TRPM6: variants seen among roughly 807,000 people sequenced by gnomAD.
TRPM6 encodes transient receptor potential cation channel subfamily M member 6.
In TRPM6, 111 loss-of-function variants were observed where a neutral mutation model predicts 247.6. The observed-to-expected ratio is 0.45, with a 90% CI of 0.38 to 0.52. The LOEUF (loss-of-function observed/expected upper bound fraction) is 0.52. TRPM6 is among the 20% of genes least tolerant of loss of function. The pLI is 0.00. For synonymous variants in TRPM6, 892 were observed against 853.8 expected (o/e 1.04, Z -0.78); for missense variants, 2,126 against 2,421.5 (o/e 0.88, Z 2.56).
At chr9:74,778,477 G>A (rs1827303153) in intron 23 of TRPM6, among the ~76,000 whole-genome samples, 1 of 152,228 alleles carries the variant, frequency 6.6e-6, no homozygotes, top group Admixed American at 6.5e-5. Context: ...CACCAGCTTT[G>A]TGCTGCCTCC....
chr9:74,748,378 C>A (rs945446168), intron 30 of TRPM6, among the ~76,000 whole-genome samples: 1 of 152,028 alleles, frequency 6.6e-6, no homozygotes, highest in Non-Finnish European at 1.5e-5. Context: ...TTTATGTTTT[C>A]TTTTTAAGTT....
rs1828695844 is a variant in TRPM6, at chr9:74,810,594, C to T, written c.1497+221G>A. On this transcript the variant is annotated intron_variant, in intron 13 of 38. Coordinates refer to ENST00000360774, the MANE Select transcript of TRPM6 (RefSeq NM_017662.5). ...TTCATGGCTTTTTATTAGCAAATAT[C>T]ACCTAACTGATGGATCAAGTCTTTT... is the stretch of plus-strand genomic sequence containing the variant. Among the ~76,000 whole-genome samples the T allele has an allele frequency of 2.0e-5, 3 of 152,264 alleles. No individual in the cohort carries two copies. In the South Asian group the frequency reaches 6.2e-4, roughly 32 times the overall value.
At chr9:74,819,199 C>G (rs933002601) in intron 9 of TRPM6, among the ~76,000 whole-genome samples, 8 of 151,918 alleles carry the variant, frequency 5.3e-5, no homozygotes, top group African/African-American at 1.9e-4. Flanking sequence ...GTCCAAGCTA[C>G]TCAGGAGGCT....
At chr9:74,752,647 T>C (rs900711905) in intron 28 of TRPM6, among the ~76,000 whole-genome samples, 1 of 152,202 alleles carries the variant, frequency 6.6e-6, no homozygotes, top group Non-Finnish European at 1.5e-5. Flanking sequence ...CCATAAACTG[T>C]CCTCTTATAG....
chr9:74,864,267 C>T (rs1418665729), intron 1 of TRPM6, among the ~76,000 whole-genome samples: 1 of 152,136 alleles, frequency 6.6e-6, no homozygotes, highest in African/African-American at 2.4e-5. Flanking sequence ...AGAGTGCCTC[C>T]CTTGAAGCAA....
chr9:74,831,891 A>G (rs1029676210), intron 6 of TRPM6, among the ~76,000 whole-genome samples: 1 of 152,254 alleles, frequency 6.6e-6, no homozygotes, highest in Non-Finnish European at 1.5e-5. Flanking sequence ...GAAAACGTTT[A>G]TCTATATGGA....
At chr9:74,876,684 G>A (rs776387930) in intron 1 of TRPM6, among the ~76,000 whole-genome samples, 15 of 152,288 alleles carry the variant, frequency 9.8e-5, no homozygotes, top group Middle Eastern at 3.4e-3. Context: ...GCACTATAGT[G>A]TTTTAGGGCT....
At chr9:74,732,952 G>T (rs935448474) in intron 36 of TRPM6, among the ~76,000 whole-genome samples, 9 of 152,118 alleles carry the variant, frequency 5.9e-5, no homozygotes, top group South Asian at 2.1e-4. Context: ...CCAGCTCTTT[G>T]GGGGGTGGAG....
At chr9:74,725,755 G>C (rs1481724085) in intron 38 of TRPM6, among the ~76,000 whole-genome samples, 1 of 152,166 alleles carries the variant, frequency 6.6e-6, no homozygotes, top group Non-Finnish European at 1.5e-5. Context: ...GGAACTGTAA[G>C]CTCATTAAAC....
chr9:74,781,536 C>CAAAAAAAAAAA (rs35938872), intron 23 of TRPM6, among the ~76,000 whole-genome samples: 1 of 93,516 alleles, frequency 1.1e-5, no homozygotes, highest in African/African-American at 4.3e-5. Flanking sequence ...GACTCTATCT[C>CAAAAAAAAAAA]AAAAAAAAAA....
chr9:74,726,736 G>A (rs142868320), intron 38 of TRPM6, among the ~76,000 whole-genome samples: 10 of 152,184 alleles, frequency 6.6e-5, no homozygotes, highest in African/African-American at 1.7e-4. Flanking sequence ...GGACAGTATC[G>A]GAGGATGTTG....
At chr9:74,806,064 G>C (rs1346518266) in intron 14 of TRPM6, among the ~76,000 whole-genome samples, 4 of 151,992 alleles carry the variant, frequency 2.6e-5, no homozygotes, top group Admixed American at 1.3e-4. Flanking sequence ...ATTTCATTTA[G>C]AGATATTCAC....
At chr9:74,783,528 C>G (rs560124675) in intron 21 of TRPM6, among the ~76,000 whole-genome samples, 1 of 152,166 alleles carries the variant, frequency 6.6e-6, no homozygotes, top group Non-Finnish European at 1.5e-5. Context: ...CTCTCACTCC[C>G]TACCATAGAC....
intron 37 of TRPM6, among the ~76,000 whole-genome samples, chr9:74,729,376 A>G (rs1193565031): frequency 6.6e-6 from 1 of 152,222 alleles, no homozygotes; most frequent in Non-Finnish European, 1.5e-5. Context: ...TGAAACATTT[A>G]TCTCAATTTC....
chr9:74,747,799 C>A, intron 31 of TRPM6, 90 bp downstream of exon 31: 1 of 1,141,078 alleles, frequency 8.8e-7, no homozygotes. Flanking sequence ...AATACAATTT[C>A]AAGAATGACA....
chr9:74,839,855 G>GAGGAAGGAAGGAAGGAAGGAAGGAAGGA (rs527635762), intron 5 of TRPM6, among the ~76,000 whole-genome samples, 169 bp downstream of exon 5: 45 of 72,554 alleles, frequency 6.2e-4, no homozygotes, highest in Middle Eastern at 8.2e-3. Flanking sequence ...AGAAGAGAGA[G>GAGGAAGGAAGGAAGGAAGGAAGGAAGGA]AGGAAGGAAG....
intron 5 of TRPM6, among the ~76,000 whole-genome samples, chr9:74,835,548 G>C (rs1450366875): frequency 6.6e-6 from 1 of 152,052 alleles, no homozygotes; most frequent in Non-Finnish European, 1.5e-5. Flanking sequence ...ATTAATACTA[G>C]TAATTAGTAC....
chr9:74,830,549 C>T (rs1259111563), intron 6 of TRPM6, among the ~76,000 whole-genome samples: 1 of 151,850 alleles, frequency 6.6e-6, no homozygotes, highest in Non-Finnish European at 1.5e-5. Context: ...GCACATGCTG[C>T]CATGCTGGCT....
rs552777046 is a variant in TRPM6, at chr9:74,874,423, G to A, written c.33+13401C>T. Among the ~76,000 whole-genome samples the A allele has an allele frequency of 8.5e-5, 13 of 152,194 alleles. 1 individual carries two copies. The highest frequency in any genetic ancestry group is 8.3e-4 in the South Asian group (4 of 4,812). ...AACACATGATATTAAAAGTTCCAGC[G>A]TTGTTGTTTAGAGACTGCCTGTACT... On this transcript the variant is annotated intron_variant, in intron 1 of 38. Transcript: ENST00000360774.
Sources: gnomAD v4.1 joint callset for allele counts (sites outside exome capture counted in the v4.1 genomes callset) on GRCh38, gnomAD v4.1.1 for gene constraint, MANE v1.5 for transcripts, NCBI Gene and HGNC (gene_info 2026-07-23, HGNC 2026-07-21) for gene names.